KIAA1217: variants seen among roughly 807,000 people sequenced by gnomAD.
KIAA1217 encodes sickle tail protein homolog.
A neutral mutation model predicts 163.9 loss-of-function variants in KIAA1217; 88 were observed. The observed-to-expected ratio is 0.54, with a 90% confidence interval of 0.45 to 0.64. The LOEUF is 0.64. Ranked by LOEUF, KIAA1217 falls within the 30% of genes least tolerant of loss-of-function variation. The probability of loss-of-function intolerance (pLI) is 0.00; values close to 1 mark genes in which losing one functional copy is unlikely to be tolerated. For synonymous variants in KIAA1217, 903 were observed against 923.1 expected (o/e 0.98, Z 0.39); for missense variants, 2,372 against 2,475.0 (o/e 0.96, Z 0.88).
chr10:24,172,555 A>G lies in KIAA1217; in HGVS notation c.-170-47071A>G, dbSNP rs559194169. 2.0e-4 allele frequency among the ~76,000 whole-genome samples: 31 copies of G among 152,344 alleles called. No homozygotes were observed. In the East Asian group the frequency reaches 5.2e-3, roughly 26 times the overall value. On this transcript the variant is annotated intron_variant, in intron 2 of 18. Coordinates refer to the KIAA1217 transcript ENST00000376462. ...TTTTCTAATCTGCAGAACTGAGACAATAACAGTACCTATTTTACTGAGCCA... is the reference window on the plus strand; with the variant it reads ...TTTTCTAATCTGCAGAACTGAGACAGTAACAGTACCTATTTTACTGAGCCA...
In KIAA1217 at chr10:23,725,210, T is replaced by C. The variant is rs1388204714; in HGVS notation, c.-321+29976T>C. ...ACCCTGGTATAGTTGGCTCAGCCTA[T>C]GCTGTGGAGCAGGACCTAAAAACTG... On this transcript the variant is annotated intron_variant, in intron 1 of 18. Transcript: ENST00000376462. Among the ~76,000 whole-genome samples the C allele has an allele frequency of 2.0e-5, 3 of 152,336 alleles. No homozygotes were observed. In the East Asian group the frequency reaches 5.8e-4, roughly 29 times the overall value.
At chr10:23,972,015 A>G (rs1845335358) in intron 1 of KIAA1217, among the ~76,000 whole-genome samples, 1 of 152,212 alleles carries the variant, frequency 6.6e-6, no homozygotes, top group Non-Finnish European at 1.5e-5. Context: ...TTCTGAACTG[A>G]ACCAATGAAT....
intron 1 of KIAA1217, among the ~76,000 whole-genome samples, chr10:23,745,212 T>C (rs1839333772): frequency 6.6e-6 from 1 of 152,232 alleles, no homozygotes; most frequent in Non-Finnish European, 1.5e-5. Context: ...TCCATGTCGA[T>C]GTATCCCCAG....
At chr10:24,348,338 A>AAAAATAAAAT (rs68058856) in intron 2 of KIAA1217, among the ~76,000 whole-genome samples, 97,621 of 151,074 alleles carry the variant, frequency 0.65, 31,865 homozygotes, top group South Asian at 0.74. Flanking sequence ...ACCCTGTCAC[A>AAAAATAAAAT]AAAATAAAAT....
chr10:24,141,704 G>C (rs965437144), intron 2 of KIAA1217, among the ~76,000 whole-genome samples: 9 of 152,130 alleles, frequency 5.9e-5, no homozygotes, highest in Non-Finnish European at 1.3e-4. Context: ...CACTCCAAAG[G>C]CTTTGAAATC....
chr10:24,175,268 T>C (rs188435535), intron 2 of KIAA1217, among the ~76,000 whole-genome samples: 5 of 152,228 alleles, frequency 3.3e-5, no homozygotes, highest in East Asian at 1.9e-4. Flanking sequence ...TAGCTCCTTA[T>C]AGTTTAGCAT....
At chr10:23,698,496 A>G (rs553711915) in intron 1 of KIAA1217, among the ~76,000 whole-genome samples, 1 of 152,328 alleles carries the variant, frequency 6.6e-6, no homozygotes, top group African/African-American at 2.4e-5. Context: ...GTGAGTCTTG[A>G]AATTTGGCAA....
At chr10:23,800,117 C>G (rs1428993833) in intron 1 of KIAA1217, among the ~76,000 whole-genome samples, 1 of 151,996 alleles carries the variant, frequency 6.6e-6, no homozygotes, top group Non-Finnish European at 1.5e-5. Flanking sequence ...CATATTTTCA[C>G]AAAAATGGAA....
chr10:24,205,432 G>A (rs983199548), upstream of KIAA1217, among the ~76,000 whole-genome samples: 28 of 150,950 alleles, frequency 1.9e-4, no homozygotes, highest in East Asian at 4.4e-3. Context: ...CCGAGATCGC[G>A]CCATTGCACT....
chr10:23,894,490 A>T, intron 1 of KIAA1217, among the ~76,000 whole-genome samples: 1 of 147,500 alleles, frequency 6.8e-6, no homozygotes, highest in Non-Finnish European at 1.5e-5. Context: ...GAAATAAAAG[A>T]GGATACAAAC....
intron 1 of KIAA1217, among the ~76,000 whole-genome samples, chr10:23,817,442 A>C (rs962001675): frequency 6.6e-6 from 1 of 152,154 alleles, no homozygotes; most frequent in Non-Finnish European, 1.5e-5. Flanking sequence ...GGAACGTTTG[A>C]GCTGGGATAT....
At chr10:24,057,353 C>T (rs2060565923) in intron 2 of KIAA1217, among the ~76,000 whole-genome samples, 1 of 152,212 alleles carries the variant, frequency 6.6e-6, no homozygotes, top group African/African-American at 2.4e-5. Context: ...ATAGACACAA[C>T]ATGTACAGCA....
chr10:24,484,239 A>AT (rs1554896420), intron 6 of KIAA1217, among the ~76,000 whole-genome samples: 4,215 of 85,790 alleles, frequency 0.049, 129 homozygotes, highest in Non-Finnish European at 0.078. Flanking sequence ...ATATATATAT[A>AT]TATTTTTTTT....
chr10:24,380,736 T>A lies in KIAA1217; in HGVS notation c.355-133T>A, dbSNP rs188798398. ...GACCCACTGGGTCTTTAGTTTTCCC[T>A]ATCTAACCCTTGTGATGGACTGTTA... On this transcript the variant is annotated intron_variant, in intron 2 of 20. Transcript: ENST00000376454. 3,037 of 546,948 alleles carry A rather than the reference T, an allele frequency of 5.6e-3. 12 individuals carry two copies. The highest frequency in any genetic ancestry group is 7.6e-3 in the Non-Finnish European group (2,602 of 344,116). 33.9% of individuals were successfully genotyped at this position (546,948 alleles called of 1,614,324 possible).
At chr10:23,837,345 C>A (rs771493576) in intron 1 of KIAA1217, among the ~76,000 whole-genome samples, 17 of 152,096 alleles carry the variant, frequency 1.1e-4, no homozygotes, top group Non-Finnish European at 2.2e-4. Flanking sequence ...TTCTTTCAAC[C>A]CAGTTCCCTG....
intron 1 of KIAA1217, among the ~76,000 whole-genome samples, chr10:23,705,027 G>T (rs1202676876): frequency 1.2e-4 from 18 of 152,060 alleles, no homozygotes; most frequent in Admixed American, 1.2e-3. Flanking sequence ...GTTTTGACTT[G>T]CATTTCGCTA....
chr10:24,299,466 G>A (rs138619923), intron 2 of KIAA1217, among the ~76,000 whole-genome samples: 73 of 152,022 alleles, frequency 4.8e-4, no homozygotes, highest in African/African-American at 1.6e-3. Context: ...GGCTCTGATC[G>A]TAGCTCACTG....
rs1482292987 is a variant in KIAA1217 at position 23,789,915 on chromosome 10, GCATATACATGTATATATACACATATA to G, written c.-321+94717_-321+94742del. On this transcript the variant is annotated intron_variant, in intron 1 of 18. Transcript: ENST00000376462. ...ATATATGATATATACATATACATAT[GCATATACATGTATATATACACATATA>G]CATATACATGTATATATACACATAT... Among the ~76,000 whole-genome samples, 47 of 133,136 alleles carry G rather than the reference GCATATACATGTATATATACACATATA, an allele frequency of 3.5e-4. 6 individuals carry two copies. Among genetic ancestry groups the G allele is most frequent in the East Asian group, 2.3e-3 (11 of 4,700 alleles). The allele number at this position is 133,136 out of a possible 152,430, so 87.3% of individuals were successfully genotyped here. A position where few individuals can be genotyped will look rare whatever the true frequency, so the allele number is the denominator to read the frequency against.
At chr10:23,739,456 A>G (rs926361105) in intron 1 of KIAA1217, among the ~76,000 whole-genome samples, 5 of 152,224 alleles carry the variant, frequency 3.3e-5, no homozygotes, top group African/African-American at 1.2e-4. Context: ...CTATGTTGCA[A>G]AAACCTCTAG....
Sources: gnomAD v4.1 joint callset for allele counts (sites outside exome capture counted in the v4.1 genomes callset) on GRCh38, gnomAD v4.1.1 for gene constraint, MANE v1.5 for transcripts, NCBI Gene and HGNC (gene_info 2026-07-23, HGNC 2026-07-21) for gene names.